Variants in KRT80 observed in about 807,000 individuals in gnomAD.
KRT80 encodes the protein keratin 80.
Under a neutral mutation model 51.5 loss-of-function variants are expected in KRT80, and 36 were observed. The observed-to-expected ratio is 0.70, with a 90% CI of 0.54 to 0.92. KRT80 has a LOEUF of 0.92. Ranked by LOEUF, KRT80 falls within the 40% of genes least tolerant of loss-of-function variation. KRT80 has a pLI of 0.00. For synonymous variants in KRT80, 235 were observed against 248.3 expected (o/e 0.95, Z 0.50); for missense variants, 566 against 591.7 (o/e 0.96, Z 0.45).
intron 3 of KRT80, 89 bp from the exon 4 acceptor site, chr12:52,180,697 G>T: frequency 6.3e-7 from 1 of 1,598,692 alleles, no homozygotes; most frequent in South Asian, 1.1e-5. Flanking sequence ...CTGGGTGAGA[G>T]TGGGGGTGAT....
At chr12:52,186,434 C>A (rs1220513775) in intron 1 of KRT80, among the ~76,000 whole-genome samples, 1 of 152,102 alleles carries the variant, frequency 6.6e-6, no homozygotes, top group East Asian at 1.9e-4. Context: ...TCATGTGGCC[C>A]CTGCTGTGTG....
At position 52,173,094 on chromosome 12, in the gene KRT80, C is replaced by G. The variant is rs763955991; in HGVS notation, c.901G>C (p.Asp301His). The change falls in exon 6 of 9, where the codon GAT becomes CAT. Residue 301 changes from aspartate (D) to histidine (H), a missense_variant. Coordinates refer to ENST00000394815, the MANE Select transcript of KRT80 (RefSeq NM_182507.3). ...SLQSSRSEIA[D>H]LNVRIQKLRS... ...AGCTTCTGGATGCGCACATTGAGATCCGCGATCTCGCTGCGGCTGCTCTGG... is the reference window on the plus strand; with the variant it reads ...AGCTTCTGGATGCGCACATTGAGATGCGCGATCTCGCTGCGGCTGCTCTGG... 2 of 1,613,560 alleles carry G rather than the reference C, an allele frequency of 1.2e-6. No individual in the cohort carries two copies. Among genetic ancestry groups the G allele is most frequent in the Middle Eastern group, 1.7e-4 (1 of 6,036 alleles).
rs1018843985 is a variant in KRT80, at chr12:52,173,303, C to T, written c.832-140G>A. On this transcript the variant is annotated intron_variant, in intron 5 of 8. Coordinates refer to ENST00000394815, the MANE Select transcript of KRT80 (RefSeq NM_182507.3). ...CACGCCACGCCAGGCTCCCTCAGCT[C>T]CCCCTTCCACCTCCCTTTCTGGGTG... 1.9e-5 allele frequency: 22 copies of T among 1,159,120 alleles called. No homozygotes were observed. In the Admixed American group the frequency reaches 3.9e-4, roughly 20 times the overall value. The allele number at this position is 1,159,120 out of a possible 1,614,324, so 71.8% of individuals were successfully genotyped here. A position where few individuals can be genotyped will look rare whatever the true frequency, so the allele number is the denominator to read the frequency against.
chr12:52,169,731 T>G lies in KRT80; in HGVS notation c.*1667A>C, dbSNP rs779750368. The G allele has an allele frequency of 3.3e-5, 5 of 152,254 alleles. No individual in the cohort carries two copies. Among genetic ancestry groups the G allele is most frequent in the Non-Finnish European group, 7.3e-5 (5 of 68,038 alleles). The allele number at this position is 152,254 out of a possible 1,614,324, so 9.4% of individuals were successfully genotyped here. ...AAAATAATATATACTTTATATGTCT[T>G]GTATCCCCACTGAGGATTTGCTCCC... On this transcript the variant is annotated 3_prime_UTR_variant, in exon 9 of 9. Transcript: ENST00000394815.
rs143707509 is a variant in KRT80, at chr12:52,182,114, C to T, written c.510-1151G>A. ...GGTCTCAGTGTACCAGGGGCCCACA[C>T]CCTCCCTGGCCACTGCCTTGGCTGC... On this transcript the variant is annotated intron_variant, in intron 2 of 8. Coordinates refer to ENST00000394815, the MANE Select transcript of KRT80 (RefSeq NM_182507.3). 4.6e-5 allele frequency among the ~76,000 whole-genome samples: 7 copies of T among 152,310 alleles called. 2 individuals are homozygous for T. The highest frequency in any genetic ancestry group is 1.4e-4 in the African/African-American group (6 of 41,568).
At position 52,171,037 on chromosome 12, in the gene KRT80, C is replaced by T; in HGVS notation, c.*361G>A. The T allele has an allele frequency of 5.3e-6, 1 of 188,652 alleles. No homozygotes were observed. Among genetic ancestry groups the T allele is most frequent in the Non-Finnish European group, 1.1e-5 (1 of 90,428 alleles). 11.7% of individuals were successfully genotyped at this position (188,652 alleles called of 1,614,324 possible). ...ATAGGAGTCAAGGTCAAGGATTGGG[C>T]AAGAGTCAGAGGGGCCTTGGCAGAG... is the stretch of plus-strand genomic sequence containing the variant. On this transcript the variant is annotated 3_prime_UTR_variant, in exon 9 of 9. Transcript: ENST00000394815.
chr12:52,171,606 C>G (rs768329595), intron 8 of KRT80, 52 bp downstream of exon 8: 3 of 1,607,180 alleles, frequency 1.9e-6, no homozygotes, highest in African/African-American at 1.3e-5. Context: ...ATCATGATCC[C>G]CTACACCCTC....
chr12:52,191,615 G>A lies in KRT80; in HGVS notation c.288C>T (p.Ser96=). The A allele has an allele frequency of 6.3e-7, 1 of 1,590,190 alleles. No homozygotes were observed. The highest frequency in any genetic ancestry group is 8.6e-7 in the Non-Finnish European group (1 of 1,164,264). ...TACTTGTGCTCACCTTGCCAATTAG[G>A]GAGGCAAATTTATCATTGAGGGCCT... ...EMKALNDKFA[S]LIGKVQALEQ... The change falls in exon 1 of 9, where the codon TCC becomes TCT. Residue 96 remains serine (S), a synonymous_variant. Transcript: ENST00000394815.
intron 2 of KRT80, among the ~76,000 whole-genome samples, chr12:52,181,963 C>T (rs1941328827): frequency 6.6e-6 from 1 of 152,236 alleles, no homozygotes; most frequent in Non-Finnish European, 1.5e-5. Flanking sequence ...AGCCTCCCAG[C>T]AGGGCTGCGT....
At chr12:52,184,664 C>G (rs1941374103) in intron 2 of KRT80, among the ~76,000 whole-genome samples, 1 of 152,182 alleles carries the variant, frequency 6.6e-6, no homozygotes, top group Non-Finnish European at 1.5e-5. Flanking sequence ...GGTCACAAAG[C>G]TAGTGATGGG....
At chr12:52,180,467 C>T in intron 4 of KRT80, 46 bp downstream of exon 4, 1 of 1,334,620 alleles carries the variant, frequency 7.5e-7, no homozygotes, top group Non-Finnish European at 9.9e-7. Context: ...TACCCATGGA[C>T]CAGCCAGCTC....
intron 2 of KRT80, among the ~76,000 whole-genome samples, chr12:52,182,485 G>A (rs1280730560): frequency 6.6e-6 from 1 of 152,182 alleles, no homozygotes; most frequent in East Asian, 1.9e-4. Context: ...GAGTTCCTGT[G>A]TGCCTCAGCC....
chr12:52,172,260 G>A lies in KRT80; in HGVS notation c.1116C>T (p.Val372=). ...QLRKYQELMN[V]KLALDIEIAT... is the part of the protein sequence containing the mutation. ...CGATCTCGATGTCCAGGGCCAGCTT[G>A]ACGTTCATCAGCTCCTGGTACTTGC... Residue 372 remains valine (V), a synonymous_variant, in exon 7 of 9, where the codon GTC becomes GTT. Coordinates refer to ENST00000394815, the MANE Select transcript of KRT80 (RefSeq NM_182507.3). 6.2e-7 allele frequency: 1 copy of A among 1,613,906 alleles called. No individual in the cohort carries two copies. The highest frequency in any genetic ancestry group is 1.3e-5 in the African/African-American group (1 of 75,044).
At chr12:52,173,458 C>CCG in intron 5 of KRT80, 142 bp downstream of exon 5, 1 of 792,252 alleles carries the variant, frequency 1.3e-6, no homozygotes, top group Non-Finnish European at 2.1e-6. Flanking sequence ...CCGCCCGCCC[C>CCG]GTCCCTGTGC....
Position 52,171,729 on chromosome 12 carries a change from G to C in KRT80, c.1179-16C>G, listed in dbSNP as rs533158146. The C allele has an allele frequency of 4.5e-5, 64 of 1,416,546 alleles. No homozygotes were observed. Among genetic ancestry groups the C allele is most frequent in the Admixed American group, 8.0e-5 (4 of 50,264 alleles). 87.7% of individuals were successfully genotyped at this position (1,416,546 alleles called of 1,614,324 possible). The stretch of plus-strand genomic sequence containing the variant: ...CGAGTCCATCCTGGGGGTGGGGGAC[G>C]GGGGGGTGGGAGAGGGATATGATGG... On this transcript the variant is annotated splice_polypyrimidine_tract_variant and intron_variant, in intron 7 of 8. Transcript: ENST00000394815.
chr12:52,184,708 T>G (rs953234990), intron 2 of KRT80, among the ~76,000 whole-genome samples: 4 of 152,230 alleles, frequency 2.6e-5, no homozygotes, highest in African/African-American at 7.2e-5. Flanking sequence ...TCTGGGCTAA[T>G]GCCCAAGCCT....
intron 4 of KRT80, among the ~76,000 whole-genome samples, chr12:52,177,190 A>C (rs1412597915): frequency 6.6e-6 from 1 of 152,224 alleles, no homozygotes; most frequent in Non-Finnish European, 1.5e-5. Context: ...TGTCTGGAAT[A>C]TATTAGGTGC....
intron 6 of KRT80, 115 bp from the exon 7 acceptor site, chr12:52,172,533 C>A: frequency 1.1e-6 from 1 of 903,590 alleles, no homozygotes; most frequent in Non-Finnish European, 1.7e-6. Context: ...GAGGGCTGAG[C>A]AATGGCATTT....
Position 52,180,606 on chromosome 12 carries a change from G to A in KRT80, c.573C>T (p.Asp191=). The A allele has an allele frequency of 6.6e-7, 1 of 1,513,256 alleles. No homozygotes were observed. 93.7% of individuals were successfully genotyped at this position (1,513,256 alleles called of 1,614,324 possible). ...MEFTFVQLKK[D]LDAECLHRTE... ...TCCGATGAAGACACTCTGCATCCAG[G>A]TCCTGGGGTTGGCAGCAGTGGTGAG... The change falls in exon 4 of 9, where the codon GAC becomes GAT. Residue 191 remains aspartate (D), a splice_region_variant and synonymous_variant. Coordinates refer to ENST00000394815, the MANE Select transcript of KRT80 (RefSeq NM_182507.3).
Sources: allele counts gnomAD v4.1 joint callset (sites outside exome capture counted in the v4.1 genomes callset), GRCh38; gene constraint gnomAD v4.1.1; transcripts MANE v1.5; gene names NCBI Gene and HGNC (gene_info 2026-07-23, HGNC 2026-07-21).